The following MYT1L variants were observed in gnomAD, a reference collection of about 807,000 sequenced individuals.
MYT1L encodes myelin transcription factor 1-like protein.
A neutral mutation model predicts 126.7 loss-of-function variants in MYT1L; 12 were observed. The ratio of observed to expected loss-of-function variants is 0.09; its 90% CI spans 0.06 to 0.15. The LOEUF is 0.15. Among genes scored for constraint, MYT1L ranks in the 10% least tolerant of loss-of-function variants. The pLI is 1.00. For missense variants in MYT1L, 979 were observed against 1,585.2 expected, an observed-to-expected ratio of 0.62 and a Z score of 6.49; for synonymous variants, 541 against 604.2, an observed-to-expected ratio of 0.90 and a Z score of 1.53.
At chr2:1,850,133 C>T (rs1326342360) in intron 19 of MYT1L, among the ~76,000 whole-genome samples, 3 of 150,044 alleles carry the variant, frequency 2.0e-5, no homozygotes, top group Admixed American at 6.6e-5. Context: ...CCTCCTGCCC[C>T]TCCCTCCTTC....
At chr2:1,994,836 G>A (rs2061703122) in intron 5 of MYT1L, among the ~76,000 whole-genome samples, 1 of 152,098 alleles carries the variant, frequency 6.6e-6, no homozygotes, top group South Asian at 2.1e-4. Flanking sequence ...ACAGGTATTT[G>A]AAATTATCTT....
chr2:1,986,932 C>G (rs7564212), intron 5 of MYT1L, among the ~76,000 whole-genome samples: 31,568 of 152,088 alleles, frequency 0.21, 5,158 homozygotes, highest in African/African-American at 0.46. Context: ...AGGAAGGCAC[C>G]CCTTCCAGAA....
chr2:2,297,381 C>T (rs977412929), intron 1 of MYT1L, among the ~76,000 whole-genome samples: 2 of 152,196 alleles, frequency 1.3e-5, no homozygotes, highest in African/African-American at 4.8e-5. Context: ...GACACCTGCA[C>T]AGGGGCGTAA....
intron 13 of MYT1L, among the ~76,000 whole-genome samples, chr2:1,905,721 G>GC (rs2050965642): frequency 6.6e-6 from 1 of 152,130 alleles, no homozygotes; most frequent in South Asian, 2.1e-4. Flanking sequence ...TGCAAATATT[G>GC]CCTGTACCTC....
In MYT1L at chr2:2,024,733, C is replaced by T. The variant is rs967504763; in HGVS notation, c.-157-27386G>A. The stretch of plus-strand genomic sequence containing the variant: ...ACCCAGTGACAGCTCATCCTAAGAT[C>T]CTTCCATAGCCAGCCGCAGTCCACC... On this transcript the variant is annotated intron_variant, in intron 4 of 24. Transcript: ENST00000647738. Among the ~76,000 whole-genome samples, 3 of 152,240 alleles carry T rather than the reference C, an allele frequency of 2.0e-5. No individual in the cohort carries two copies. In the South Asian group the frequency reaches 6.2e-4, roughly 32 times the overall value.
chr2:1,898,475 G>A (rs1031472774), intron 14 of MYT1L, among the ~76,000 whole-genome samples: 11 of 152,236 alleles, frequency 7.2e-5, no homozygotes, highest in African/African-American at 1.4e-4. Context: ...TCCAAAGGGC[G>A]TCGAGGTCCA....
chr2:2,316,701 G>C (rs1248008261), intron 1 of MYT1L, among the ~76,000 whole-genome samples: 1 of 152,132 alleles, frequency 6.6e-6, no homozygotes, highest in Middle Eastern at 3.2e-3. Context: ...ATAAAATTCT[G>C]GTTACAAAAT....
intron 1 of MYT1L, among the ~76,000 whole-genome samples, chr2:2,305,060 A>G (rs1351668669): frequency 1.3e-5 from 2 of 152,240 alleles, no homozygotes; most frequent in African/African-American, 2.4e-5. Context: ...TATTTACTAT[A>G]TTGGGCTAAA....
chr2:2,130,012 C>T (rs1169754223), intron 3 of MYT1L, among the ~76,000 whole-genome samples: 4 of 151,772 alleles, frequency 2.6e-5, no homozygotes, highest in African/African-American at 7.3e-5. Flanking sequence ...TAATTTTCTA[C>T]GTGGGAAAAG....
At chr2:2,303,213 G>T (rs982249361) in intron 1 of MYT1L, among the ~76,000 whole-genome samples, 1 of 152,198 alleles carries the variant, frequency 6.6e-6, no homozygotes, top group African/African-American at 2.4e-5. Flanking sequence ...GCAATGTCCA[G>T]TATCAAAAGA....
At chr2:2,328,756 CACA>C (rs1300345648) in intron 1 of MYT1L, among the ~76,000 whole-genome samples, 2 of 151,984 alleles carry the variant, frequency 1.3e-5, no homozygotes, top group Non-Finnish European at 2.9e-5. Context: ...TTTTCCAACC[CACA>C]ACTATACATA....
intron 22 of MYT1L, among the ~76,000 whole-genome samples, chr2:1,803,344 C>T (rs1304531748): frequency 2.0e-5 from 3 of 152,288 alleles, no homozygotes; most frequent in Middle Eastern, 3.4e-3. Context: ...GGTGAAGCTT[C>T]GACCCTCTAC....
chr2:2,003,584 G>A (rs1269745246), intron 4 of MYT1L, among the ~76,000 whole-genome samples: 1 of 152,228 alleles, frequency 6.6e-6, no homozygotes, highest in Non-Finnish European at 1.5e-5. Context: ...CTCTCCTGGG[G>A]TGGGTGCCTT....
chr2:1,809,648 T>TA (rs1434536130), intron 21 of MYT1L: 1 of 154,746 alleles, frequency 6.5e-6, no homozygotes, highest in East Asian at 1.9e-4. Flanking sequence ...CTCTCAAGGC[T>TA]AGTCACCTGT....
chr2:2,281,697 G>A (rs1420484805), intron 2 of MYT1L, among the ~76,000 whole-genome samples: 1 of 152,180 alleles, frequency 6.6e-6, no homozygotes, highest in Non-Finnish European at 1.5e-5. Context: ...CCTAGAACAT[G>A]TTCTGAACAT....
chr2:1,956,579 T>A (rs1558533892), intron 8 of MYT1L, among the ~76,000 whole-genome samples: 1 of 102,002 alleles, frequency 9.8e-6, no homozygotes, highest in African/African-American at 3.1e-5. Flanking sequence ...TCCTATTCTA[T>A]CTATCTATCT....
At chr2:1,845,573 A>T (rs1299572527) in intron 19 of MYT1L, among the ~76,000 whole-genome samples, 2 of 151,744 alleles carry the variant, frequency 1.3e-5, no homozygotes, top group Non-Finnish European at 2.9e-5. Flanking sequence ...CCTGCTGGTC[A>T]CGGCCCCATT....
chr2:2,272,538 A>G (rs889675073), intron 2 of MYT1L, among the ~76,000 whole-genome samples: 3 of 152,240 alleles, frequency 2.0e-5, no homozygotes, highest in Middle Eastern at 3.4e-3. Flanking sequence ...AGGGGAATAC[A>G]CTTTAGTGTG....
intron 21 of MYT1L, among the ~76,000 whole-genome samples, chr2:1,822,116 C>G (rs113667834): frequency 4.3e-4 from 65 of 152,314 alleles, no homozygotes; most frequent in African/African-American, 1.5e-3. Context: ...CTCTCCACCC[C>G]CATCCTCTCC....
Sources: allele counts gnomAD v4.1 joint callset (sites outside exome capture counted in the v4.1 genomes callset), GRCh38; gene constraint gnomAD v4.1.1; transcripts MANE v1.5; gene names NCBI Gene and HGNC (gene_info 2026-07-23, HGNC 2026-07-21).